NXPE2: variants seen among roughly 807,000 people sequenced by gnomAD.
The protein encoded by NXPE2 is neurexophilin and PC-esterase domain family member 2.
A neutral mutation model predicts 34.4 loss-of-function variants in NXPE2; 34 were observed. That is an observed-to-expected ratio of 0.99 (90% confidence interval 0.75 to 1.31). NXPE2 has a LOEUF of 1.31. Ranked by LOEUF, NXPE2 falls within the 40% of genes most tolerant of loss-of-function variation. The pLI is 0.00. For synonymous variants in NXPE2, 235 were observed against 231.3 expected, an observed-to-expected ratio of 1.02 and a Z score of -0.15; for missense variants, 649 against 672.5, an observed-to-expected ratio of 0.97 and a Z score of 0.39.
the NXPE2 span, among the ~76,000 whole-genome samples, chr11:114,781,238 C>T: frequency 2.0e-5 from 3 of 152,180 alleles, no homozygotes; most frequent in African/African-American, 7.2e-5. Context: ...AACCTGGTCT[C>T]TACTCATCTG....
chr11:114,770,543 A>G, the NXPE2 span, among the ~76,000 whole-genome samples: 1 of 152,272 alleles, frequency 6.6e-6, no homozygotes, highest in Non-Finnish European at 1.5e-5. Context: ...TGGGGCAGAA[A>G]GCCGCATAAA....
the NXPE2 span, among the ~76,000 whole-genome samples, chr11:114,722,708 G>A: frequency 2.9e-3 from 435 of 152,266 alleles, 11 homozygotes; most frequent in Non-Finnish European, 4.0e-4. Flanking sequence ...CTGCATATGA[G>A]CACTGCTATC....
At chr11:114,637,696 A>C in the NXPE2 span, among the ~76,000 whole-genome samples, 9 of 150,790 alleles carry the variant, frequency 6.0e-5, no homozygotes, top group Admixed American at 6.0e-4. Context: ...TTGTCTGTAA[A>C]GTATTGTATT....
the NXPE2 span, among the ~76,000 whole-genome samples, chr11:114,565,453 G>A: frequency 2.0e-5 from 3 of 152,192 alleles, no homozygotes; most frequent in Non-Finnish European, 4.4e-5. Flanking sequence ...CTGCGAACAA[G>A]GCACCTAGTG....
chr11:114,582,938 T>C, the NXPE2 span: 1 of 1,614,168 alleles, frequency 6.2e-7, no homozygotes, highest in Non-Finnish European at 8.5e-7. Context: ...GCTTTAATGA[T>C]ATCAGTGGTG....
chr11:114,573,969 A>G, the NXPE2 span, among the ~76,000 whole-genome samples: 1 of 152,060 alleles, frequency 6.6e-6, no homozygotes, highest in Non-Finnish European at 1.5e-5. Flanking sequence ...GCCACAAAAC[A>G]AGTCTCAGTA....
the NXPE2 span, among the ~76,000 whole-genome samples, chr11:114,647,167 C>A: frequency 4.6e-5 from 7 of 152,306 alleles, no homozygotes; most frequent in Middle Eastern, 3.4e-3. Context: ...ATTCTCATTA[C>A]CTGAATGGAT....
At chr11:114,625,818 A>G in the NXPE2 span, among the ~76,000 whole-genome samples, 4 of 152,220 alleles carry the variant, frequency 2.6e-5, no homozygotes, top group African/African-American at 9.6e-5. Flanking sequence ...GTGGGTGAGC[A>G]CACCACGTGC....
At chr11:114,674,090 AAAACAAAC>A (rs72440964), upstream of NXPE2, among the ~76,000 whole-genome samples, 969 of 131,888 alleles carry the variant, frequency 7.3e-3, 7 homozygotes, top group South Asian at 0.018. Context: ...ACATTGTTTA[AAAACAAAC>A]AAACAAACAA....
At chr11:114,773,621 T>TA in the NXPE2 span, among the ~76,000 whole-genome samples, 1 of 152,126 alleles carries the variant, frequency 6.6e-6, no homozygotes, top group Non-Finnish European at 1.5e-5. Context: ...GGACACAGGG[T>TA]ACCCAGACAT....
intron 4 of NXPE2, 61 bp from the exon 5 acceptor site, chr11:114,705,720 C>A: frequency 1.8e-6 from 2 of 1,082,878 alleles, no homozygotes; most frequent in Non-Finnish European, 2.5e-6. Context: ...AAATGAGAAA[C>A]ATTTTTCCAA....
At chr11:114,486,619 T>G in the NXPE2 span, among the ~76,000 whole-genome samples, 1 of 152,190 alleles carries the variant, frequency 6.6e-6, no homozygotes, top group Non-Finnish European at 1.5e-5. Context: ...TCTAGTAGTT[T>G]CATAGTTTGA....
At chr11:114,474,737 AG>A in the NXPE2 span, among the ~76,000 whole-genome samples, 44 of 152,210 alleles carry the variant, frequency 2.9e-4, 1 homozygote, top group Non-Finnish European at 1.0e-4. Context: ...TTGAAACGAT[AG>A]GTGACATATA....
At chr11:114,583,387 T>G in the NXPE2 span, 1 of 625,590 alleles carries the variant, frequency 1.6e-6, no homozygotes, top group South Asian at 1.5e-5. Flanking sequence ...TGCTCAACTA[T>G]GGTTTCTACT....
the NXPE2 span, among the ~76,000 whole-genome samples, chr11:114,535,085 G>C: frequency 2.0e-5 from 3 of 152,168 alleles, no homozygotes; most frequent in Non-Finnish European, 4.4e-5. Flanking sequence ...CTGATCTCTT[G>C]CCAGAAACTC....
the NXPE2 span, among the ~76,000 whole-genome samples, chr11:114,485,383 CTTTT>C: frequency 2.6e-3 from 229 of 89,210 alleles, no homozygotes; most frequent in African/African-American, 9.5e-3. Context: ...TAATTTTTGT[CTTTT>C]TTTTTTTTTT....
At chr11:114,652,634 A>C in the NXPE2 span, among the ~76,000 whole-genome samples, 1 of 152,228 alleles carries the variant, frequency 6.6e-6, no homozygotes, top group Non-Finnish European at 1.5e-5. Flanking sequence ...GGAGGTAATA[A>C]AGTCTTGAAA....
chr11:114,629,003 C>G, the NXPE2 span, among the ~76,000 whole-genome samples: 46 of 152,148 alleles, frequency 3.0e-4, 1 homozygote, highest in South Asian at 9.3e-3. Context: ...AGACCAATAA[C>G]AGGCTCTGAA....
chr11:114,585,804 C>T, the NXPE2 span, among the ~76,000 whole-genome samples: 1 of 152,230 alleles, frequency 6.6e-6, no homozygotes, highest in South Asian at 2.1e-4. Context: ...AAGCTGCAAA[C>T]ATAGATAAGC....
Sources: allele counts gnomAD v4.1 joint callset (sites outside exome capture counted in the v4.1 genomes callset), GRCh38; gene constraint gnomAD v4.1.1; transcripts MANE v1.5; gene names NCBI Gene and HGNC (gene_info 2026-07-23, HGNC 2026-07-21).